The following UPRT variants were observed in gnomAD, a reference collection of about 807,000 sequenced individuals.
UPRT encodes uracil phosphoribosyltransferase homolog, also known as RP11-311P8.3.
In UPRT, 5 loss-of-function variants were observed where a neutral mutation model predicts 22.6. The observed-to-expected ratio is 0.22, with a 90% confidence interval of 0.12 to 0.47. The LOEUF (loss-of-function observed/expected upper bound fraction) is 0.47, where lower values mean the gene tolerates loss of function less well. Ranked by LOEUF, UPRT falls within the 20% of genes least tolerant of loss-of-function variation. The pLI is 0.99. For missense variants in UPRT, 181 were observed against 239.9 expected (o/e 0.75, Z 1.62); for synonymous variants, 77 against 87.7 (o/e 0.88, Z 0.68).
intron 4 of UPRT, among the ~76,000 whole-genome samples, chrX:75,181,015 A>G (rs767669254): frequency 2.7e-5 from 3 of 110,563 alleles, no homozygotes; most frequent in Non-Finnish European, 5.7e-5. Flanking sequence ...TATGTCTTCA[A>G]TCCATCTTTT....
At chrX:75,231,049 A>AT (rs2082436915) in intron 4 of UPRT, among the ~76,000 whole-genome samples, 1 of 11,436 alleles carries the variant, frequency 8.7e-5, no homozygotes, top group Non-Finnish European at 8.8e-3. Flanking sequence ...AAGGATCTAT[A>AT]AAACCCCAAA....
chrX:75,235,228 C>G (rs1470563304), intron 4 of UPRT, among the ~76,000 whole-genome samples: 1 of 111,649 alleles, frequency 9.0e-6, no homozygotes, highest in African/African-American at 3.3e-5. Context: ...CCTCCCAAGA[C>G]TAAACCAGGA....
intron 1 of UPRT, among the ~76,000 whole-genome samples, chrX:75,283,102 G>A (rs182190650): frequency 6.3e-5 from 7 of 111,896 alleles, no homozygotes; most frequent in Non-Finnish European, 9.4e-5. Context: ...ACTCCAGCTC[G>A]GTTTTGGTGT....
intron 4 of UPRT, among the ~76,000 whole-genome samples, chrX:75,246,762 C>T (rs2082508002): frequency 1.8e-5 from 2 of 111,616 alleles, no homozygotes; most frequent in South Asian, 7.6e-4. Context: ...TCTCCAGTAC[C>T]TGTTGTTTCC....
intron 4 of UPRT, among the ~76,000 whole-genome samples, chrX:75,188,378 G>A (rs1043684570): frequency 2.7e-5 from 3 of 112,057 alleles, no homozygotes; most frequent in East Asian, 2.8e-4. Flanking sequence ...CAGTCTGCCC[G>A]TTCTCAGATC....
intron 4 of UPRT, among the ~76,000 whole-genome samples, chrX:75,176,315 A>C (rs1213988232): frequency 9.0e-6 from 1 of 111,216 alleles, no homozygotes; most frequent in East Asian, 2.8e-4. Context: ...TCTATCATTT[A>C]CTTGACTGAG....
chrX:75,248,324 G>A (rs945526956), intron 4 of UPRT, among the ~76,000 whole-genome samples: 6 of 111,308 alleles, frequency 5.4e-5, no homozygotes, highest in East Asian at 2.8e-4. Flanking sequence ...AAAATTAGAC[G>A]AATGGCTAAC....
rs1248358066 is a variant in UPRT at position 75,293,364 on chromosome X, A to C, written c.387-108A>C. On this transcript the variant is annotated intron_variant, in intron 1 of 6. Coordinates refer to ENST00000373383, the MANE Select transcript of UPRT (RefSeq NM_145052.4). ...TAATAGTCTGTACATGTAAGCATTT[A>C]AGCTTTTAGTATGTTATAGGTCTTA... The C allele has an allele frequency of 8.4e-6, 6 of 716,434 alleles. No homozygotes were observed. The African/African-American group carries it at 1.3e-4, about 16-fold the overall frequency. The allele number at this position is 716,434 out of a possible 1,213,427, so 59.0% of individuals were successfully genotyped here.
chrX:75,179,865 G>A (rs886946846), intron 4 of UPRT, among the ~76,000 whole-genome samples: 29 of 112,756 alleles, frequency 2.6e-4, no homozygotes, highest in Admixed American at 1.1e-3. Flanking sequence ...GCCCGCAAGC[G>A]CCGCATGCAG....
chrX:75,237,001 G>C (rs1447087946), intron 4 of UPRT, among the ~76,000 whole-genome samples: 4 of 111,997 alleles, frequency 3.6e-5, no homozygotes, highest in Non-Finnish European at 7.5e-5. Flanking sequence ...TACCATCAGC[G>C]TGAACAGGCA....
intron 4 of UPRT, among the ~76,000 whole-genome samples, chrX:75,170,522 A>T (rs980102141): frequency 3.6e-5 from 4 of 111,748 alleles, no homozygotes; most frequent in African/African-American, 1.3e-4. Flanking sequence ...GTTAATTCTT[A>T]CCCATTCTGC....
intron 4 of UPRT, among the ~76,000 whole-genome samples, chrX:75,253,534 G>A (rs755034615): frequency 3.6e-5 from 4 of 112,052 alleles, no homozygotes; most frequent in Non-Finnish European, 5.6e-5. Flanking sequence ...CAGAAAAACC[G>A]AAGTCTCTTT....
At chrX:75,173,894 G>A (rs982759057) in intron 4 of UPRT, among the ~76,000 whole-genome samples, 4 of 112,217 alleles carry the variant, frequency 3.6e-5, no homozygotes, top group African/African-American at 1.3e-4. Flanking sequence ...TGCTCCGAGT[G>A]CGGGGCCCGC....
intron 4 of UPRT, among the ~76,000 whole-genome samples, chrX:75,221,689 A>T (rs1279644231): frequency 9.0e-6 from 1 of 111,532 alleles, no homozygotes; most frequent in East Asian, 2.8e-4. Context: ...TCTTTGTTAA[A>T]TTTATCAGAT....
intron 4 of UPRT, among the ~76,000 whole-genome samples, chrX:75,203,799 G>A (rs1426935770): frequency 1.8e-5 from 2 of 111,983 alleles, no homozygotes; most frequent in African/African-American, 6.5e-5. Flanking sequence ...ATAAGAGGCA[G>A]GCTGTTTCTC....
At chrX:75,287,882 A>G (rs978999650) in intron 1 of UPRT, among the ~76,000 whole-genome samples, 1 of 111,730 alleles carries the variant, frequency 9.0e-6, no homozygotes, top group Admixed American at 9.5e-5. Flanking sequence ...CAACAAAGTC[A>G]AAAGTTACTT....
intron 1 of UPRT, among the ~76,000 whole-genome samples, chrX:75,275,871 C>T (rs777325116): frequency 2.7e-5 from 3 of 110,793 alleles, no homozygotes; most frequent in East Asian, 2.8e-4. Context: ...CACTGCCCCC[C>T]GGCTAATTTT....
chrX:75,190,042 C>T (rs2082309355), intron 4 of UPRT, among the ~76,000 whole-genome samples: 1 of 111,749 alleles, frequency 8.9e-6, no homozygotes, highest in Admixed American at 9.5e-5. Flanking sequence ...AGTTATTTTG[C>T]TCATTAGTTG....
intron 4 of UPRT, among the ~76,000 whole-genome samples, chrX:75,226,693 T>C (rs996803884): frequency 9.0e-5 from 10 of 110,744 alleles, no homozygotes; most frequent in African/African-American, 3.0e-4. Context: ...ACATTTAAAA[T>C]TAATGTACTC....
Sources: allele counts gnomAD v4.1 joint callset (sites outside exome capture counted in the v4.1 genomes callset), GRCh38; gene constraint gnomAD v4.1.1; transcripts MANE v1.5; gene names NCBI Gene and HGNC (gene_info 2026-07-23, HGNC 2026-07-21).